Variants in DSE observed in about 807,000 individuals in gnomAD.
DSE encodes dermatan-sulfate epimerase.
In DSE, 36 loss-of-function variants were observed where a neutral mutation model predicts 84.4. The observed-to-expected ratio is 0.43, with a 90% confidence interval of 0.33 to 0.56. The LOEUF (loss-of-function observed/expected upper bound fraction) is 0.56. Ranked by LOEUF, DSE falls within the 20% of genes least tolerant of loss-of-function variation. The pLI is 0.06. For missense variants in DSE, 862 were observed against 1,169.6 expected (o/e 0.74, Z 3.84); for synonymous variants, 410 against 430.1 (o/e 0.95, Z 0.58).
At position 116,380,370 on chromosome 6, in the gene DSE, G is replaced by A. The variant is rs559673826; in HGVS notation, c.-54+9249G>A. On this transcript the variant is annotated intron_variant, in intron 1 of 5. Transcript: ENST00000644252. ...GAAGAATAACTGAATATGAAACTTT[G>A]TGAGAACAATTAGGTGCCGAATGGA... Among the ~76,000 whole-genome samples the A allele has an allele frequency of 2.0e-5, 3 of 152,104 alleles. No individual in the cohort carries two copies. The South Asian group carries it at 6.2e-4, about 32-fold the overall frequency.
intron 2 of DSE, among the ~76,000 whole-genome samples, chr6:116,425,989 T>C (rs972385559): frequency 6.6e-6 from 1 of 152,190 alleles, no homozygotes; most frequent in Non-Finnish European, 1.5e-5. Flanking sequence ...AAGAGGGATG[T>C]AAAAATTCTG....
rs146413862 is a variant in DSE at position 116,433,001 on chromosome 6, A to G, written c.911-342A>G. On this transcript the variant is annotated intron_variant, in intron 4 of 5. Transcript: ENST00000644252. Reference sequence around the variant, plus strand: ...TGTTCATTCCAGGTTCAGAAACCCAAACTGCACAAGAGGATGTCCCATGTA... The same window carrying G: ...TGTTCATTCCAGGTTCAGAAACCCAGACTGCACAAGAGGATGTCCCATGTA... 3.3e-4 allele frequency: 76 copies of G among 229,968 alleles called. 1 individual carries two copies. The East Asian group carries it at 6.3e-3, about 19-fold the overall frequency. 14.2% of individuals were successfully genotyped at this position (229,968 alleles called of 1,614,324 possible). A position where few individuals can be genotyped will look rare whatever the true frequency, so the allele number is the denominator to read the frequency against.
At chr6:116,279,454 T>A in intron 2 of DSE, 2 of 1,613,284 alleles carry the variant, frequency 1.2e-6, no homozygotes, top group Middle Eastern at 3.3e-4. Context: ...CTCTCCACCC[T>A]GAACGCCCTT....
At chr6:116,418,395 A>C (rs1327647842) in intron 2 of DSE, among the ~76,000 whole-genome samples, 1 of 152,198 alleles carries the variant, frequency 6.6e-6, no homozygotes, top group Non-Finnish European at 1.5e-5. Context: ...AAGGTTCTGA[A>C]GATGCAAACC....
intron 2 of DSE, among the ~76,000 whole-genome samples, chr6:116,266,228 T>C (rs1388676778): frequency 6.6e-6 from 1 of 152,238 alleles, no homozygotes; most frequent in Admixed American, 6.5e-5. Flanking sequence ...CATGGTATAC[T>C]AGTCATCCAG....
chr6:116,297,581 T>C (rs1774748642), intron 2 of DSE, among the ~76,000 whole-genome samples: 1 of 152,232 alleles, frequency 6.6e-6, no homozygotes, highest in African/African-American at 2.4e-5. Flanking sequence ...GTTAGTGGTT[T>C]GGGATTATTT....
At chr6:116,327,398 C>A (rs563208602) in intron 2 of DSE, among the ~76,000 whole-genome samples, 2 of 152,160 alleles carry the variant, frequency 1.3e-5, no homozygotes, top group African/African-American at 4.8e-5. Context: ...TAAGGGACAG[C>A]GTTAGGAAAA....
intron 2 of DSE, among the ~76,000 whole-genome samples, chr6:116,363,893 A>T (rs1356084772): frequency 6.6e-6 from 1 of 152,218 alleles, no homozygotes; most frequent in Non-Finnish European, 1.5e-5. Context: ...GTTAATATGA[A>T]ATATGCACTT....
intron 2 of DSE, among the ~76,000 whole-genome samples, chr6:116,354,785 T>C (rs186813254): frequency 7.2e-5 from 11 of 152,304 alleles, no homozygotes; most frequent in African/African-American, 2.6e-4. Context: ...AATTATATTT[T>C]TTGGTTACAT....
At chr6:116,415,478 T>A (rs1277834459) in intron 2 of DSE, among the ~76,000 whole-genome samples, 1 of 152,168 alleles carries the variant, frequency 6.6e-6, no homozygotes, top group Non-Finnish European at 1.5e-5. Flanking sequence ...ACTTATCCCC[T>A]TTAGTTCTAG....
At chr6:116,419,504 G>A (rs539434615) in intron 2 of DSE, among the ~76,000 whole-genome samples, 72 of 152,316 alleles carry the variant, frequency 4.7e-4, no homozygotes, top group Admixed American at 1.2e-3. Flanking sequence ...AGAATGAATA[G>A]AATAATTTAC....
chr6:116,308,724 C>CA (rs1463115099), intron 2 of DSE, among the ~76,000 whole-genome samples: 5 of 151,986 alleles, frequency 3.3e-5, no homozygotes, highest in African/African-American at 9.7e-5. Context: ...GTCACCCAGG[C>CA]TGGAGTGCAG....
rs932697445 is a variant in DSE, at chr6:116,346,354, G to A, written c.-53-52844G>A. ...TAGACCAATATCCCTGATGAACATCGATGCAAAAATCCTCAATAAAATACT... is the reference window on the plus strand; with the variant it reads ...TAGACCAATATCCCTGATGAACATCAATGCAAAAATCCTCAATAAAATACT... On this transcript the variant is annotated intron_variant, in intron 2 of 3. Transcript: ENST00000430252. 4.6e-5 allele frequency among the ~76,000 whole-genome samples: 7 copies of A among 152,168 alleles called. No homozygotes were observed. In the South Asian group the frequency reaches 6.2e-4, roughly 14 times the overall value.
chr6:116,349,169 C>G (rs1222460726), intron 2 of DSE, among the ~76,000 whole-genome samples: 1 of 151,958 alleles, frequency 6.6e-6, no homozygotes, highest in Non-Finnish European at 1.5e-5. Flanking sequence ...TTTATATACA[C>G]TAATATAAAA....
At chr6:116,392,178 A>T (rs180864533) in intron 1 of DSE, among the ~76,000 whole-genome samples, 2 of 152,302 alleles carry the variant, frequency 1.3e-5, no homozygotes, top group African/African-American at 4.8e-5. Context: ...CCTAAAATGG[A>T]TCAGAGAAGG....
rs1177649652 is a variant in DSE, at chr6:116,396,873, T to C, written c.-53-2325T>C. On this transcript the variant is annotated intron_variant, in intron 1 of 5. Coordinates refer to ENST00000644252, the MANE Select transcript of DSE (RefSeq NM_013352.4). ...GCATAGGGGAGGACAAAGAACATGA[T>C]GAATTAACCTTACCCACGTTTGGGG... Among the ~76,000 whole-genome samples, 5 of 152,124 alleles carry C rather than the reference T, an allele frequency of 3.3e-5. No individual in the cohort carries two copies. In the East Asian group the frequency reaches 9.6e-4, roughly 29 times the overall value.
Position 116,436,243 on chromosome 6 carries a change from T to A in DSE, c.1775T>A (p.Val592Asp). 6.2e-7 allele frequency: 1 copy of A among 1,614,158 alleles called. No homozygotes were observed. The highest frequency in any genetic ancestry group is 8.5e-7 in the Non-Finnish European group (1 of 1,180,014). Residue 592 changes from valine (V) to aspartate (D), a missense_variant, in exon 6 of 6, where the codon GTT becomes GAT. Around this residue, in one of 4 missense-constraint regions of DSE, gnomAD observed 186 missense variants for 255.1 expected, o/e 0.73. Transcript: ENST00000644252. ...GCGAGCTTCTTCCATAATGTGGATG[T>A]TCCTTTTGAGGAGACTGTGGTAGAT... The part of the protein sequence containing the change: ...TAASFFHNVD[V>D]PFEETVVDGV...
intron 2 of DSE, among the ~76,000 whole-genome samples, chr6:116,360,602 A>G (rs1158921707): frequency 1.3e-5 from 2 of 152,216 alleles, no homozygotes; most frequent in African/African-American, 4.8e-5. Context: ...CCTTTGTAAC[A>G]TTAGTGTGGA....
chr6:116,284,608 C>G (rs1051729466), intron 2 of DSE, among the ~76,000 whole-genome samples: 4 of 151,432 alleles, frequency 2.6e-5, no homozygotes, highest in Admixed American at 2.0e-4. Context: ...TGTGCTGCAC[C>G]CATTAACTCG....
Sources: gnomAD v4.1 joint callset for allele counts (sites outside exome capture counted in the v4.1 genomes callset) on GRCh38, gnomAD v4.1.1 for gene constraint, gnomAD v4.1.1 regional missense constraint, MANE v1.5 for transcripts, NCBI Gene and HGNC (gene_info 2026-07-23, HGNC 2026-07-21) for gene names.